TRERF1: variants seen among roughly 807,000 people sequenced by gnomAD.
TRERF1 encodes the protein transcriptional-regulating factor 1.
A neutral mutation model predicts 122.9 loss-of-function variants in TRERF1; 27 were observed. The ratio of observed to expected loss-of-function variants is 0.22; its 90% CI spans 0.16 to 0.30. The LOEUF (loss-of-function observed/expected upper bound fraction) is 0.30, where lower values mean the gene tolerates loss of function less well. Among genes scored for constraint, TRERF1 ranks in the 10% least tolerant of loss-of-function variants. TRERF1 has a pLI of 1.00. For missense variants in TRERF1, 1,248 were observed against 1,560.3 expected (o/e 0.80, Z 3.37); for synonymous variants, 636 against 641.7 (o/e 0.99, Z 0.13).
intron 4 of TRERF1, among the ~76,000 whole-genome samples, chr6:42,271,766 A>C (rs1190113212): frequency 6.6e-6 from 1 of 152,256 alleles, no homozygotes; most frequent in Admixed American, 6.5e-5. Flanking sequence ...ACATTTTAAT[A>C]CTTAGATCTT....
chr6:42,367,414 T>G (rs1029145499), intron 2 of TRERF1, among the ~76,000 whole-genome samples: 6 of 151,918 alleles, frequency 3.9e-5, no homozygotes, highest in Admixed American at 2.6e-4. Context: ...CACACAAAGC[T>G]CCGAGCCTCT....
Position 42,435,523 on chromosome 6 carries a change from C to T in TRERF1, c.-454+15654G>A, listed in dbSNP as rs138706967. Among the ~76,000 whole-genome samples the T allele has an allele frequency of 4.5e-3, 686 of 152,020 alleles. 9 individuals carry two copies. Among genetic ancestry groups the T allele is most frequent in the African/African-American group, 0.016 (660 of 41,444 alleles). ...CTGTGATCACGCCACTGCACTCCAG[C>T]CTGGGTGACAGAGTAATACTCCTTC... On this transcript the variant is annotated intron_variant, in intron 2 of 17. Transcript: ENST00000372922.
At chr6:42,391,405 G>C (rs922903850) in intron 2 of TRERF1, among the ~76,000 whole-genome samples, 1 of 152,170 alleles carries the variant, frequency 6.6e-6, no homozygotes, top group Admixed American at 6.5e-5. Flanking sequence ...AGGTCCCTAA[G>C]CTAGACTGTT....
chr6:42,236,497 G>A lies in TRERF1; in HGVS notation c.2860-86C>T, dbSNP rs1772235120. 2.0e-6 allele frequency: 3 copies of A among 1,494,578 alleles called. No homozygotes were observed. The East Asian group carries it at 7.4e-5, about 37-fold the overall frequency. 92.6% of individuals were successfully genotyped at this position (1,494,578 alleles called of 1,614,324 possible). A position where few individuals can be genotyped will look rare whatever the true frequency, so the allele number is the denominator to read the frequency against. On this transcript the variant is annotated intron_variant, in intron 15 of 17. Transcript: ENST00000372922. ...ACAGAACTCACAGATCAACAGAGGA[G>A]AGAGGGGCAGGATGCTGGCGCTGTG...
At position 42,356,076 on chromosome 6, in the gene TRERF1, T is replaced by C. The variant is rs541310231; in HGVS notation, c.-371+6921A>G. On this transcript the variant is annotated intron_variant, in intron 3 of 17. Transcript: ENST00000372922. ...TAGCCCCAGGTCACCTCCAGCTCTG[T>C]GGTAAAGGTCTTCCAACTTCCCATT... Among the ~76,000 whole-genome samples the C allele has an allele frequency of 9.2e-5, 14 of 152,290 alleles. No individual in the cohort carries two copies. The South Asian group carries it at 2.9e-3, about 32-fold the overall frequency.
At chr6:42,251,979 T>A (rs1008930184) in intron 13 of TRERF1, among the ~76,000 whole-genome samples, 6 of 152,184 alleles carry the variant, frequency 3.9e-5, no homozygotes, top group Admixed American at 3.9e-4. Flanking sequence ...CCACCCTGAC[T>A]CCCCCATGCT....
chr6:42,311,749 G>T (rs1761690667), intron 3 of TRERF1, among the ~76,000 whole-genome samples: 1 of 133,152 alleles, frequency 7.5e-6, no homozygotes, highest in Admixed American at 8.3e-5. Flanking sequence ...CTGGGCAACT[G>T]AGCAAGACTC....
At chr6:42,380,327 G>A (rs1315186759) in intron 2 of TRERF1, among the ~76,000 whole-genome samples, 1 of 152,138 alleles carries the variant, frequency 6.6e-6, no homozygotes, top group Non-Finnish European at 1.5e-5. Context: ...CTGAGCCAGG[G>A]AACAACTGAC....
intron 12 of TRERF1, among the ~76,000 whole-genome samples, chr6:42,256,265 T>C (rs558959621): frequency 6.6e-6 from 1 of 152,158 alleles, no homozygotes; most frequent in South Asian, 2.1e-4. Context: ...ATGGAACCAG[T>C]TGGTGAACAG....
intron 3 of TRERF1, among the ~76,000 whole-genome samples, chr6:42,346,353 C>T (rs751925289): frequency 2.6e-5 from 4 of 152,232 alleles, no homozygotes; most frequent in Admixed American, 2.6e-4. Context: ...CAGCCTCCTG[C>T]ACAGGGGGCC....
rs78931380 is a variant in TRERF1 at position 42,404,267 on chromosome 6, T to C, written c.-453-41188A>G. On this transcript the variant is annotated intron_variant, in intron 2 of 17. Coordinates refer to ENST00000372922, the Ensembl canonical transcript of TRERF1. ...CTTATTTCTCTTGGGTTCCTCCTCA[T>C]CTTTGTCAATGGTGCCACCAAGCAT... is the stretch of plus-strand genomic sequence containing the variant. Among the ~76,000 whole-genome samples, 899 of 152,232 alleles carry C rather than the reference T, an allele frequency of 5.9e-3. 7 individuals carry two copies. Among genetic ancestry groups the C allele is most frequent in the African/African-American group, 0.02 (851 of 41,530 alleles).
At chr6:42,315,066 G>A (rs1263214284) in intron 3 of TRERF1, among the ~76,000 whole-genome samples, 3 of 152,180 alleles carry the variant, frequency 2.0e-5, no homozygotes, top group East Asian at 1.9e-4. Context: ...TGGCAGGGAT[G>A]AGCGTGCATG....
At chr6:42,261,458 T>C (rs1777853295) in intron 8 of TRERF1, among the ~76,000 whole-genome samples, 1 of 152,102 alleles carries the variant, frequency 6.6e-6, no homozygotes, top group Non-Finnish European at 1.5e-5. Flanking sequence ...AGGAAACACT[T>C]ACAGTGTTCC....
chr6:42,297,217 T>C (rs1785258810), intron 4 of TRERF1, among the ~76,000 whole-genome samples: 1 of 152,194 alleles, frequency 6.6e-6, no homozygotes, highest in African/African-American at 2.4e-5. Flanking sequence ...CTTTTGGCAA[T>C]ATGGCAGACC....
In TRERF1 at chr6:42,377,203, C is replaced by T. The variant is rs186593213; in HGVS notation, c.-453-14124G>A. Among the ~76,000 whole-genome samples, 777 of 152,346 alleles carry T rather than the reference C, an allele frequency of 5.1e-3. 2 individuals carry two copies. The highest frequency in any genetic ancestry group is 8.4e-3 in the Non-Finnish European group (569 of 68,018). On this transcript the variant is annotated intron_variant, in intron 2 of 17. Transcript: ENST00000372922. ...TTTAATTAGCATACCAAAAACTTCA[C>T]TCTTTTTTAAAGTGTACAATTCACT... is the stretch of plus-strand genomic sequence containing the variant.
At chr6:42,260,822 ATGGGCTCCTCTGCTC>A (rs994847588) in intron 8 of TRERF1, among the ~76,000 whole-genome samples, 2 of 152,118 alleles carry the variant, frequency 1.3e-5, no homozygotes, top group Admixed American at 6.5e-5. Context: ...GACCTGCCCC[ATGGGCTCCTCTGCTC>A]TGGGCTCCTC....
intron 2 of TRERF1, among the ~76,000 whole-genome samples, chr6:42,381,429 T>C (rs1329699807): frequency 1.3e-5 from 2 of 151,906 alleles, no homozygotes; most frequent in Non-Finnish European, 2.9e-5. Context: ...CCTATCTGAA[T>C]ATGAAGCTCC....
intron 3 of TRERF1, among the ~76,000 whole-genome samples, chr6:42,328,348 AC>A (rs1764679584): frequency 6.6e-6 from 1 of 152,294 alleles, no homozygotes; most frequent in African/African-American, 2.4e-5. Context: ...AAACAAAAAA[AC>A]AACTTTTATT....
At chr6:42,381,879 G>A (rs1424786623) in intron 2 of TRERF1, among the ~76,000 whole-genome samples, 3 of 148,474 alleles carry the variant, frequency 2.0e-5, no homozygotes, top group Non-Finnish European at 4.5e-5. Context: ...TCTTGGCAAA[G>A]GGTTTCCACA....
Sources: allele counts gnomAD v4.1 joint callset (sites outside exome capture counted in the v4.1 genomes callset), GRCh38; gene constraint gnomAD v4.1.1; transcripts MANE v1.5; gene names NCBI Gene and HGNC (gene_info 2026-07-23, HGNC 2026-07-21).